The following FSTL5 variants were observed in gnomAD, a reference collection of about 807,000 sequenced individuals.
FSTL5 encodes the protein follistatin-related protein 5.
A neutral mutation model predicts 89.1 loss-of-function variants in FSTL5; 62 were observed. That is an observed-to-expected ratio of 0.70 (90% CI 0.57 to 0.86). FSTL5 has a LOEUF of 0.86. Among genes scored for constraint, FSTL5 ranks in the 40% least tolerant of loss-of-function variants. The probability of loss-of-function intolerance (pLI) is 0.00; values close to 1 mark genes in which losing one functional copy is unlikely to be tolerated. For missense variants in FSTL5, 1,057 were observed against 1,001.6 expected, an observed-to-expected ratio of 1.06 and a Z score of -0.75; for synonymous variants, 383 against 346.2, an observed-to-expected ratio of 1.11 and a Z score of -1.18.
intron 2 of FSTL5, among the ~76,000 whole-genome samples, chr4:162,096,869 C>T (rs1012488210): frequency 1.3e-5 from 2 of 151,646 alleles, no homozygotes; most frequent in African/African-American, 2.4e-5. Flanking sequence ...TGATACAATG[C>T]GTGATACATG....
intron 4 of FSTL5, among the ~76,000 whole-genome samples, chr4:161,895,186 C>T (rs950980084): frequency 2.0e-5 from 3 of 152,140 alleles, no homozygotes; most frequent in South Asian, 4.1e-4. Flanking sequence ...TACTCTCGTG[C>T]CCCTTGTTTT....
At chr4:161,455,439 A>G (rs1216271730) in intron 14 of FSTL5, among the ~76,000 whole-genome samples, 1 of 152,286 alleles carries the variant, frequency 6.6e-6, no homozygotes, top group Admixed American at 6.5e-5. Context: ...TCTTACAAAG[A>G]GAAAAATAAA....
intron 13 of FSTL5, among the ~76,000 whole-genome samples, chr4:161,464,615 T>A (rs1733688481): frequency 6.6e-6 from 1 of 152,184 alleles, no homozygotes; most frequent in Admixed American, 6.6e-5. Flanking sequence ...GTTAAGCTTT[T>A]TGTGTTTGTT....
In FSTL5 at chr4:161,575,922, A is replaced by G. The variant is rs999653934; in HGVS notation, c.1015+11533T>C. Among the ~76,000 whole-genome samples, 6 of 152,184 alleles carry G rather than the reference A, an allele frequency of 3.9e-5. No individual in the cohort carries two copies. The South Asian group carries it at 1.2e-3, about 32-fold the overall frequency. ...CATGATTGTATATTTTGGAAACCCC[A>G]TTGACTCAGCCCCAAAACTCCTTAA... On this transcript the variant is annotated intron_variant, in intron 8 of 15. Transcript: ENST00000306100.
chr4:161,539,170 G>C (rs1352915560), intron 9 of FSTL5, among the ~76,000 whole-genome samples: 1 of 151,622 alleles, frequency 6.6e-6, no homozygotes, highest in Non-Finnish European at 1.5e-5. Context: ...GTATGTGTGT[G>C]TGTGCATGCC....
chr4:161,898,104 T>G (rs1733227449), intron 4 of FSTL5, among the ~76,000 whole-genome samples: 1 of 148,156 alleles, frequency 6.7e-6, no homozygotes, highest in Admixed American at 6.8e-5. Flanking sequence ...ATATTTTATT[T>G]TATGAATATA....
At chr4:161,459,758 T>C (rs1733495305) in intron 13 of FSTL5, among the ~76,000 whole-genome samples, 1 of 151,996 alleles carries the variant, frequency 6.6e-6, no homozygotes, top group Non-Finnish European at 1.5e-5. Flanking sequence ...TTTATCCCAA[T>C]TCTGATTACA....
chr4:161,653,424 G>C (rs1736407662), intron 7 of FSTL5, among the ~76,000 whole-genome samples: 1 of 152,124 alleles, frequency 6.6e-6, no homozygotes, highest in African/African-American at 2.4e-5. Context: ...ATTGGTTTCT[G>C]TGTTACAGCC....
intron 8 of FSTL5, among the ~76,000 whole-genome samples, chr4:161,578,135 A>C (rs1470938886): frequency 6.6e-6 from 1 of 152,114 alleles, no homozygotes; most frequent in Non-Finnish European, 1.5e-5. Flanking sequence ...GAAAAATGTC[A>C]GCGAATAGGA....
At position 161,697,463 on chromosome 4, in the gene FSTL5, A is replaced by G. The variant is rs149912400; in HGVS notation, c.728-40969T>C. On this transcript the variant is annotated intron_variant, in intron 6 of 15. Transcript: ENST00000306100. The stretch of plus-strand genomic sequence containing the variant: ...TTATTTATTTATTTTTAAATTGACA[A>G]ACACAATTGTATATATTATTGTGTG... 6.0e-3 allele frequency among the ~76,000 whole-genome samples: 911 copies of G among 152,268 alleles called. 13 individuals are homozygous for G. Among genetic ancestry groups the G allele is most frequent in the South Asian group, 0.047 (226 of 4,820 alleles).
At chr4:161,971,515 C>T (rs1351402424) in intron 3 of FSTL5, among the ~76,000 whole-genome samples, 2 of 152,092 alleles carry the variant, frequency 1.3e-5, no homozygotes, top group African/African-American at 4.8e-5. Context: ...GAAATTCTCC[C>T]TTCTGAAGAA....
chr4:161,721,308 A>AAAT (rs869094228), intron 6 of FSTL5, among the ~76,000 whole-genome samples: 9 of 137,854 alleles, frequency 6.5e-5, no homozygotes, highest in Non-Finnish European at 9.0e-5. Context: ...AAAAAAAAAA[A>AAAT]TTTTTCTAAG....
intron 7 of FSTL5, among the ~76,000 whole-genome samples, chr4:161,600,832 A>G (rs1259994850): frequency 6.6e-6 from 1 of 152,168 alleles, no homozygotes; most frequent in Non-Finnish European, 1.5e-5. Flanking sequence ...AAATGGAAAG[A>G]GTTTCTATCC....
At chr4:161,953,761 T>C (rs1054782514) in intron 3 of FSTL5, among the ~76,000 whole-genome samples, 3 of 151,676 alleles carry the variant, frequency 2.0e-5, no homozygotes, top group African/African-American at 7.2e-5. Context: ...CTTCAGTTTG[T>C]GTATCTCAGA....
intron 7 of FSTL5, among the ~76,000 whole-genome samples, chr4:161,624,240 T>C (rs1735235182): frequency 6.6e-6 from 1 of 152,032 alleles, no homozygotes; most frequent in Admixed American, 6.6e-5. Flanking sequence ...ATTATTACAA[T>C]TTCTTATATC....
intron 15 of FSTL5, among the ~76,000 whole-genome samples, chr4:161,449,879 C>T (rs1733100241): frequency 6.6e-6 from 1 of 152,148 alleles, no homozygotes; most frequent in Non-Finnish European, 1.5e-5. Flanking sequence ...AGATATCTTG[C>T]TGTTATTCTC....
chr4:161,946,552 T>C (rs1734739372), intron 3 of FSTL5, among the ~76,000 whole-genome samples: 3 of 152,304 alleles, frequency 2.0e-5, no homozygotes, highest in Admixed American at 2.0e-4. Context: ...TTCAACATCA[T>C]GTGACTAGCA....
intron 6 of FSTL5, among the ~76,000 whole-genome samples, chr4:161,702,499 C>A (rs887693737): frequency 3.9e-5 from 6 of 152,082 alleles, no homozygotes; most frequent in Non-Finnish European, 7.4e-5. Context: ...GGGTGCCATA[C>A]CAGGGTATCG....
intron 2 of FSTL5, among the ~76,000 whole-genome samples, chr4:162,096,236 T>G (rs1730747350): frequency 6.6e-6 from 1 of 151,924 alleles, no homozygotes; most frequent in African/African-American, 2.4e-5. Context: ...TTCAAAGACT[T>G]GATTCATGGA....
Sources: allele counts gnomAD v4.1 joint callset (sites outside exome capture counted in the v4.1 genomes callset), GRCh38; gene constraint gnomAD v4.1.1; transcripts MANE v1.5; gene names NCBI Gene and HGNC (gene_info 2026-07-23, HGNC 2026-07-21).